Variants in RASSF3 observed in about 807,000 individuals in gnomAD.
The protein encoded by RASSF3 is ras association domain-containing protein 3.
A neutral mutation model predicts 19.9 loss-of-function variants in RASSF3; 19 were observed. The observed-to-expected ratio is 0.96, with a 90% CI of 0.67 to 1.40. The LOEUF (loss-of-function observed/expected upper bound fraction) is 1.40, where lower values mean the gene tolerates loss of function less well. Among genes scored for constraint, RASSF3 ranks in the 40% most tolerant of loss-of-function variants. The pLI, the probability that RASSF3 is intolerant of heterozygous loss-of-function variation, is 0.00. For synonymous variants in RASSF3, 110 were observed against 104.2 expected (o/e 1.06, Z -0.34); for missense variants, 306 against 289.8 (o/e 1.06, Z -0.41).
At chr12:64,646,878 G>A (rs531297258) in intron 1 of RASSF3, among the ~76,000 whole-genome samples, 17 of 152,280 alleles carry the variant, frequency 1.1e-4, no homozygotes, top group African/African-American at 3.4e-4. Context: ...GGCTCTGTGA[G>A]AAGTGATTTG....
At chr12:64,522,343 C>G (rs1246243950) in intron 1 of RASSF3, among the ~76,000 whole-genome samples, 1 of 152,114 alleles carries the variant, frequency 6.6e-6, no homozygotes, top group East Asian at 1.9e-4. Flanking sequence ...CCTCCCAGCT[C>G]CTGCTGGGGG....
downstream of RASSF3, among the ~76,000 whole-genome samples, chr12:64,545,805 C>T (rs979233049): frequency 2.6e-5 from 4 of 152,056 alleles, no homozygotes; most frequent in African/African-American, 7.2e-5. Context: ...TTGAGCCCTG[C>T]AGGTTGAGGC....
intron 1 of RASSF3, among the ~76,000 whole-genome samples, chr12:64,508,995 T>A (rs1231220706): frequency 1.3e-5 from 2 of 150,948 alleles, no homozygotes; most frequent in African/African-American, 5.0e-5. Context: ...TTTTCTTTAA[T>A]TTTTTTTCAT....
At chr12:64,622,648 CTT>C (rs755170382) in intron 1 of RASSF3, 1 of 320,366 alleles carries the variant, frequency 3.1e-6, no homozygotes, top group South Asian at 2.4e-5. Flanking sequence ...TGCTTAATCT[CTT>C]TTATTCTGAT....
chr12:64,584,879 C>CTTTTTTTTT (rs34522445), intron 2 of RASSF3, among the ~76,000 whole-genome samples: 3 of 80,812 alleles, frequency 3.7e-5, no homozygotes, highest in African/African-American at 4.9e-5. Flanking sequence ...CAGAAGGATT[C>CTTTTTTTTT]TTTTTTTTTT....
At chr12:64,517,801 T>A (rs1042380581) in intron 1 of RASSF3, among the ~76,000 whole-genome samples, 101 of 152,130 alleles carry the variant, frequency 6.6e-4, no homozygotes, top group African/African-American at 2.3e-3. Flanking sequence ...GTACTTTTTG[T>A]AGAGATGGGG....
At chr12:64,650,717 G>A (rs1480148775) in intron 1 of RASSF3, among the ~76,000 whole-genome samples, 1 of 151,906 alleles carries the variant, frequency 6.6e-6, no homozygotes, top group Non-Finnish European at 1.5e-5. Flanking sequence ...GCCTGGCCGA[G>A]TTGTTTATTT....
At position 64,620,732 on chromosome 12, in the gene RASSF3, A is replaced by T. The variant is rs530985925; in HGVS notation, c.111+9989A>T. 4.6e-5 allele frequency among the ~76,000 whole-genome samples: 7 copies of T among 152,202 alleles called. No individual in the cohort carries two copies. The East Asian group carries it at 1.3e-3, about 29-fold the overall frequency. ...CTTTTCCATTATGGATTAATTTTAT[A>T]GGATAGTTGTACAAAAATGGAATTT... is the stretch of plus-strand genomic sequence containing the variant. On this transcript the variant is annotated intron_variant, in intron 1 of 4. Coordinates refer to ENST00000542104, the MANE Select transcript of RASSF3 (RefSeq NM_178169.4).
chr12:64,568,374 C>CAT (rs534924260), intron 2 of RASSF3, among the ~76,000 whole-genome samples: 19 of 152,112 alleles, frequency 1.2e-4, no homozygotes, highest in South Asian at 1.2e-3. Flanking sequence ...TGTGGTAAAA[C>CAT]ATATATATAT....
intron 2 of RASSF3, among the ~76,000 whole-genome samples, chr12:64,597,569 G>C (rs898676181): frequency 2.0e-5 from 3 of 151,674 alleles, no homozygotes; most frequent in African/African-American, 4.8e-5. Context: ...TGATTCTCCT[G>C]CCTCAGCCTT....
At chr12:64,556,885 G>A (rs979596022) in intron 2 of RASSF3, among the ~76,000 whole-genome samples, 1 of 137,292 alleles carries the variant, frequency 7.3e-6, no homozygotes, top group African/African-American at 2.8e-5. Flanking sequence ...CGCCCAGGCT[G>A]AAGTGCAGTG....
chr12:64,646,510 C>T (rs553727831), intron 1 of RASSF3, among the ~76,000 whole-genome samples: 1 of 152,298 alleles, frequency 6.6e-6, no homozygotes, highest in East Asian at 1.9e-4. Flanking sequence ...TAGCCTAAAG[C>T]TTTGCTCAGC....
intron 1 of RASSF3, among the ~76,000 whole-genome samples, chr12:64,682,403 C>A (rs535645221): frequency 6.6e-6 from 1 of 152,120 alleles, no homozygotes; most frequent in East Asian, 1.9e-4. Context: ...AACCCCGTCT[C>A]TACTAAAAAT....
chr12:64,684,747 T>A (rs936167037), intron 1 of RASSF3, 40 bp from the exon 2 acceptor site: 10 of 1,440,476 alleles, frequency 6.9e-6, no homozygotes, highest in East Asian at 6.8e-5. Context: ...CACTTTTTTT[T>A]ATGATTGCTC....
At chr12:64,629,288 T>TG (rs1871093791) in intron 1 of RASSF3, among the ~76,000 whole-genome samples, 1 of 151,456 alleles carries the variant, frequency 6.6e-6, no homozygotes, top group African/African-American at 2.4e-5. Context: ...TTTTTTTTTT[T>TG]GTAGAGATGG....
intron 1 of RASSF3, among the ~76,000 whole-genome samples, chr12:64,637,695 G>T (rs576811639): frequency 6.6e-6 from 1 of 152,106 alleles, no homozygotes; most frequent in South Asian, 2.1e-4. Context: ...CTCCCAAAGT[G>T]CTGGGATTAC....
intron 2 of RASSF3, among the ~76,000 whole-genome samples, chr12:64,601,037 G>A (rs1408183737): frequency 6.6e-6 from 1 of 151,916 alleles, no homozygotes; most frequent in African/African-American, 2.4e-5. Flanking sequence ...TCTGTACTCC[G>A]AACACTTTGG....
upstream of RASSF3, among the ~76,000 whole-genome samples, chr12:64,532,805 G>C (rs1436517021): frequency 3.3e-5 from 5 of 152,128 alleles, no homozygotes; most frequent in African/African-American, 1.2e-4. Context: ...CTCTACTCCA[G>C]CCTGGGCAAC....
rs1868351773 is a variant in RASSF3 at position 64,696,024 on chromosome 12, C to T, written c.*1112C>T. ...TCTCTTCCCTTTTATTCCTCCTTTC[C>T]TTTTCCTTTCTTCCCTTTTTTCTTT... On this transcript the variant is annotated 3_prime_UTR_variant, in exon 5 of 5. Transcript: ENST00000542104. The T allele has an allele frequency of 6.6e-6, 1 of 150,468 alleles. No individual in the cohort carries two copies. Among genetic ancestry groups the T allele is most frequent in the African/African-American group, 2.5e-5 (1 of 40,566 alleles). The allele number at this position is 150,468 out of a possible 1,614,324, so 9.3% of individuals were successfully genotyped here.
Sources: gnomAD v4.1 joint callset for allele counts (sites outside exome capture counted in the v4.1 genomes callset) on GRCh38, gnomAD v4.1.1 for gene constraint, MANE v1.5 for transcripts, NCBI Gene and HGNC (gene_info 2026-07-23, HGNC 2026-07-21) for gene names.